The following ADGRG6 variants were observed in gnomAD, a reference collection of about 807,000 sequenced individuals.
The protein encoded by ADGRG6 is G-protein coupled receptor 126.
Under a neutral mutation model 142.4 loss-of-function variants are expected in ADGRG6, and 84 were observed. The observed-to-expected ratio is 0.59, with a 90% CI of 0.49 to 0.71. The LOEUF (loss-of-function observed/expected upper bound fraction) is 0.71. Among genes scored for constraint, ADGRG6 ranks in the 30% least tolerant of loss-of-function variants. The pLI, the probability that ADGRG6 is intolerant of heterozygous loss-of-function variation, is 0.00. For missense variants in ADGRG6, 1,367 were observed against 1,466.6 expected, an observed-to-expected ratio of 0.93 and a Z score of 1.11; for synonymous variants, 521 against 520.5, an observed-to-expected ratio of 1.00 and a Z score of -0.01.
chr6:142,334,345 T>G (rs1204571024), intron 2 of ADGRG6, among the ~76,000 whole-genome samples: 1 of 152,174 alleles, frequency 6.6e-6, no homozygotes, highest in Non-Finnish European at 1.5e-5. Flanking sequence ...TATATTACAC[T>G]TGTTAACACT....
At position 142,437,497 on chromosome 6, in the gene ADGRG6, A is replaced by C. The variant is rs541981396; in HGVS notation, c.3383A>C (p.His1128Pro). The C allele has an allele frequency of 6.4e-7, 1 of 1,569,390 alleles. No individual in the cohort carries two copies. Residue 1128 changes from histidine (H) to proline (P), a missense_variant, in exon 23 of 25, where the codon CAT (histidine) becomes CCT (proline). Physicochemically the swap from His to Pro is moderately conservative, Grantham distance 77. This residue lies in a region of ADGRG6 where 344 missense variants were observed against 348.7 expected (regional missense o/e 0.99). Transcript: ENST00000367609. ...KENVQKQWRQ[H>P]LCCGRFRLAD... ...AATGTTCAGAAACAGTGGCGGCAGC[A>C]TCTCTGCTGTGGTAGATTTCGGTTA...
At position 142,390,280 on chromosome 6, in the gene ADGRG6, C is replaced by G. The variant is rs750330446; in HGVS notation, c.1245C>G (p.Ser415=). The G allele has an allele frequency of 2.8e-5, 44 of 1,589,502 alleles. 2 individuals are homozygous for G. In the South Asian group the frequency reaches 4.8e-4, roughly 17 times the overall value. ...QRNDGIIYRI[S]VVIQNILRHP... ...CAGATGGAATTATCTATAGAATATC[C>G]GTAGTGATTCAGAACATCCTTCGTC... Residue 415 remains serine, a synonymous_variant, in exon 7 of 25, where the codon TCC becomes TCG. Transcript: ENST00000367609.
At chr6:142,409,564 T>C (rs1775980798) in intron 16 of ADGRG6, among the ~76,000 whole-genome samples, 1 of 152,120 alleles carries the variant, frequency 6.6e-6, no homozygotes. Context: ...TGTGAAATTG[T>C]AGTGTCAAGA....
In ADGRG6 at chr6:142,407,305, T is replaced by G. The variant is rs188059654; in HGVS notation, c.2269-845T>G. 4.5e-4 allele frequency among the ~76,000 whole-genome samples: 69 copies of G among 152,204 alleles called. No individual in the cohort carries two copies. The Middle Eastern group carries it at 0.014, about 30-fold the overall frequency. The stretch of plus-strand genomic sequence containing the variant: ...GGTACGATGGTGATGGTGTTTTTTT[T>G]TGTGTTTTACTGAAAGGCTGGGTAT... On this transcript the variant is annotated intron_variant, in intron 15 of 24. Transcript: ENST00000367609.
At chr6:142,344,149 GA>G (rs983553960) in intron 2 of ADGRG6, among the ~76,000 whole-genome samples, 3 of 151,444 alleles carry the variant, frequency 2.0e-5, no homozygotes, top group Admixed American at 2.0e-4. Context: ...TGTGAAATGT[GA>G]AAAAAAATCC....
intron 20 of ADGRG6, among the ~76,000 whole-genome samples, chr6:142,416,799 C>G (rs1776381820): frequency 6.6e-6 from 1 of 152,204 alleles, no homozygotes; most frequent in Non-Finnish European, 1.5e-5. Flanking sequence ...TATTCAATCT[C>G]TGGGGAGAGA....
At chr6:142,372,430 C>G (rs1781304315) in intron 4 of ADGRG6, among the ~76,000 whole-genome samples, 1 of 152,194 alleles carries the variant, frequency 6.6e-6, no homozygotes, top group African/African-American at 2.4e-5. Context: ...TATGATGACT[C>G]AAGGCCACCT....
At chr6:142,380,659 T>G (rs1487101536) in intron 4 of ADGRG6, among the ~76,000 whole-genome samples, 1 of 152,174 alleles carries the variant, frequency 6.6e-6, no homozygotes, top group African/African-American at 2.4e-5. Context: ...TTCTTACCCC[T>G]GGCTCTCTCA....
chr6:142,383,780 A>C lies in ADGRG6; in HGVS notation c.1159A>C (p.Thr387Pro). ...LCQATVNSPS[T>P]TPPTVTTNMP... ...ACCAGCTACTGTAAACTCTCCTAGT[A>C]CTACACCACCCACTGTCACCACTAA... is the stretch of plus-strand genomic sequence containing the variant. The change falls in exon 6 of 25, where the codon ACT becomes CCT. Residue 387 changes from threonine (T) to proline (P), a missense_variant. Physicochemically the swap from Thr to Pro is conservative, Grantham distance 38. Transcript: ENST00000367609. 1 of 1,567,716 alleles carries C rather than the reference A, an allele frequency of 6.4e-7. No homozygotes were observed. Among genetic ancestry groups the C allele is most frequent in the South Asian group, 1.1e-5 (1 of 89,988 alleles).
chr6:142,351,535 C>T (rs1359594404), intron 2 of ADGRG6, among the ~76,000 whole-genome samples: 2 of 152,186 alleles, frequency 1.3e-5, no homozygotes, highest in East Asian at 3.9e-4. Flanking sequence ...CTTCCTTACA[C>T]TACACACAAA....
At chr6:142,304,336 G>A (rs1451954651) in intron 1 of ADGRG6, among the ~76,000 whole-genome samples, 1 of 152,102 alleles carries the variant, frequency 6.6e-6, no homozygotes, top group Non-Finnish European at 1.5e-5. Context: ...ATATATTTGG[G>A]AGTTGTAGTG....
chr6:142,410,488 G>GT (rs3835235), intron 17 of ADGRG6, among the ~76,000 whole-genome samples: 62,721 of 151,902 alleles, frequency 0.41, 15,029 homozygotes, highest in African/African-American at 0.67. Flanking sequence ...GGCATAAGGT[G>GT]TAAATCTCTT....
At chr6:142,324,016 T>A (rs75470494) in intron 2 of ADGRG6, among the ~76,000 whole-genome samples, 2,205 of 152,154 alleles carry the variant, frequency 0.014, 96 homozygotes, top group Admixed American at 0.087. Flanking sequence ...CTTTTTCCTG[T>A]CTTCAGTGTG....
chr6:142,338,406 A>G (rs1280158757), intron 2 of ADGRG6, among the ~76,000 whole-genome samples: 1 of 151,664 alleles, frequency 6.6e-6, no homozygotes. Context: ...TCGAATATCT[A>G]ATTTTCTTTG....
intron 6 of ADGRG6, 90 bp from the exon 7 acceptor site, chr6:142,390,168 A>G (rs900173539): frequency 2.0e-5 from 10 of 508,868 alleles, no homozygotes; most frequent in Non-Finnish European, 3.0e-5. Flanking sequence ...ATGATTATGT[A>G]AGACTTACAT....
Position 142,438,366 on chromosome 6 carries a change from T to G in ADGRG6, c.3574+2T>G. 1.9e-6 allele frequency: 3 copies of G among 1,599,646 alleles called. No individual in the cohort carries two copies. The highest frequency in any genetic ancestry group is 2.6e-6 in the Non-Finnish European group (3 of 1,173,162). On this transcript the variant is annotated splice_donor_variant, in intron 24 of 24. Transcript: ENST00000367609. LOFTEE classifies it high-confidence loss of function. Reference sequence around the variant, plus strand: ...ATTTCAAAAGGAATAGCCACACAGGTGAGTCTAAAGATGTCCTCAAGTTTA... The same window carrying G: ...ATTTCAAAAGGAATAGCCACACAGGGGAGTCTAAAGATGTCCTCAAGTTTA...
In ADGRG6 at chr6:142,387,609, C is replaced by A. The variant is rs547919016; in HGVS notation, c.1223-2649C>A. On this transcript the variant is annotated intron_variant, in intron 6 of 24. Transcript: ENST00000367609. The stretch of plus-strand genomic sequence containing the variant: ...GATTAGCATTTGGTTTATATTTTAA[C>A]GTCTATTTTTTCAAATAGGCCTATC... Among the ~76,000 whole-genome samples the A allele has an allele frequency of 1.1e-4, 17 of 152,238 alleles. No homozygotes were observed. In the South Asian group the frequency reaches 3.1e-3, roughly 28 times the overall value.
At chr6:142,348,490 C>T (rs1562328666) in intron 2 of ADGRG6, among the ~76,000 whole-genome samples, 1 of 152,192 alleles carries the variant, frequency 6.6e-6, no homozygotes, top group African/African-American at 2.4e-5. Context: ...TATCCCTCCT[C>T]TGTTCATTCC....
intron 4 of ADGRG6, among the ~76,000 whole-genome samples, chr6:142,379,026 T>C (rs1781626725): frequency 6.6e-6 from 1 of 152,224 alleles, no homozygotes; most frequent in Non-Finnish European, 1.5e-5. Context: ...CCAAACACTC[T>C]ATAGCTTCTG....
Sources: gnomAD v4.1 joint callset for allele counts (sites outside exome capture counted in the v4.1 genomes callset) on GRCh38, gnomAD v4.1.1 for gene constraint, gnomAD v4.1.1 regional missense constraint, MANE v1.5 for transcripts, NCBI Gene and HGNC (gene_info 2026-07-23, HGNC 2026-07-21) for gene names.